The following PDE11A variants were observed in gnomAD, a reference collection of about 807,000 sequenced individuals.
PDE11A encodes the protein dual 3',5'-cyclic-AMP and -GMP phosphodiesterase 11A.
A neutral mutation model predicts 100.5 loss-of-function variants in PDE11A; 100 were observed. The observed-to-expected ratio is 1.00, with a 90% CI of 0.85 to 1.18. The LOEUF (loss-of-function observed/expected upper bound fraction) is 1.18. Among genes scored for constraint, PDE11A ranks in the 50% most tolerant of loss-of-function variants. The pLI, the probability that PDE11A is intolerant of heterozygous loss-of-function variation, is 0.00. For missense variants in PDE11A, 1,141 were observed against 1,152.6 expected (o/e 0.99, Z 0.15); for synonymous variants, 381 against 420.8 (o/e 0.91, Z 1.16).
At chr2:177,898,229 G>T (rs762407563) in intron 3 of PDE11A, 31 bp from the exon 4 acceptor site, 2 of 1,541,426 alleles carry the variant, frequency 1.3e-6, no homozygotes, top group Non-Finnish European at 1.8e-6. Context: ...GTATATAAGT[G>T]GATGTAAAAC....
intron 2 of PDE11A, among the ~76,000 whole-genome samples, chr2:177,942,668 C>G (rs2085358995): frequency 6.6e-6 from 1 of 152,084 alleles, no homozygotes; most frequent in South Asian, 2.1e-4. Flanking sequence ...TCTCAAAGTG[C>G]TGGGATTTAT....
At chr2:177,791,628 C>T (rs960919226) in intron 9 of PDE11A, among the ~76,000 whole-genome samples, 5 of 151,422 alleles carry the variant, frequency 3.3e-5, no homozygotes, top group Non-Finnish European at 7.4e-5. Context: ...TTGACTTTTG[C>T]TTACTTCCTG....
intron 2 of PDE11A, among the ~76,000 whole-genome samples, chr2:177,991,624 G>A (rs761626845): frequency 5.3e-5 from 8 of 151,004 alleles, no homozygotes; most frequent in Non-Finnish European, 1.0e-4. Context: ...AACAGAGTGA[G>A]ACTCCATTTC....
At chr2:177,920,009 G>A (rs1486672289) in intron 2 of PDE11A, among the ~76,000 whole-genome samples, 1 of 152,054 alleles carries the variant, frequency 6.6e-6, no homozygotes, top group East Asian at 1.9e-4. Flanking sequence ...AATAAATCGT[G>A]TTGGGACATA....
intron 5 of PDE11A, among the ~76,000 whole-genome samples, chr2:177,857,223 A>G (rs569193323): frequency 6.6e-6 from 1 of 152,142 alleles, no homozygotes; most frequent in South Asian, 2.1e-4. Flanking sequence ...AAAATGAAAA[A>G]TTAAGACATT....
chr2:178,053,464 T>C (rs1188130059), intron 1 of PDE11A, among the ~76,000 whole-genome samples: 2 of 152,196 alleles, frequency 1.3e-5, no homozygotes, highest in African/African-American at 4.8e-5. Flanking sequence ...AAGACAGGGA[T>C]GCCCTCTCTC....
intron 10 of PDE11A, among the ~76,000 whole-genome samples, chr2:177,759,058 CA>C (rs1208144191): frequency 3.3e-5 from 5 of 152,134 alleles, no homozygotes; most frequent in Non-Finnish European, 7.4e-5. Context: ...CCTGTTTTCT[CA>C]GGGATTTTCC....
intron 5 of PDE11A, among the ~76,000 whole-genome samples, chr2:177,850,140 C>G (rs1021567411): frequency 3.1e-4 from 47 of 152,144 alleles, no homozygotes; most frequent in Admixed American, 2.9e-3. Flanking sequence ...AACTTTACTA[C>G]AAGGGTACAG....
chr2:177,654,581 A>C (rs1457871204), intron 19 of PDE11A, among the ~76,000 whole-genome samples: 1 of 152,160 alleles, frequency 6.6e-6, no homozygotes, highest in Non-Finnish European at 1.5e-5. Flanking sequence ...ACATATTAAG[A>C]ACTTTATGTT....
intron 1 of PDE11A, among the ~76,000 whole-genome samples, chr2:178,065,792 C>T (rs2087035407): frequency 6.6e-6 from 1 of 152,146 alleles, no homozygotes; most frequent in South Asian, 2.1e-4. Context: ...TCTATCAGCA[C>T]TGGCTCATCA....
At chr2:177,884,082 G>A (rs952390324) in intron 4 of PDE11A, among the ~76,000 whole-genome samples, 1 of 152,192 alleles carries the variant, frequency 6.6e-6, no homozygotes, top group African/African-American at 2.4e-5. Flanking sequence ...AGGGCACTGA[G>A]GTAAAGACAG....
At chr2:177,852,261 G>A (rs1256442138) in intron 5 of PDE11A, among the ~76,000 whole-genome samples, 1 of 152,178 alleles carries the variant, frequency 6.6e-6, no homozygotes, top group African/African-American at 2.4e-5. Flanking sequence ...ACCAAGGAAT[G>A]ATTGTCAGTT....
chr2:177,865,510 C>T (rs764305572), intron 5 of PDE11A, among the ~76,000 whole-genome samples: 2 of 152,114 alleles, frequency 1.3e-5, no homozygotes, highest in East Asian at 1.9e-4. Flanking sequence ...ACTTCTAGGC[C>T]TATACCCAAA....
At chr2:177,952,284 A>G (rs1382478030) in intron 2 of PDE11A, among the ~76,000 whole-genome samples, 1 of 152,180 alleles carries the variant, frequency 6.6e-6, no homozygotes, top group East Asian at 1.9e-4. Context: ...GCTTGATAGC[A>G]TCCATTCCAC....
At position 177,755,674 on chromosome 2, in the gene PDE11A, G is replaced by C. The variant is rs140484464; in HGVS notation, c.1788+13649C>G. Among the ~76,000 whole-genome samples the C allele has an allele frequency of 2.2e-3, 328 of 152,278 alleles. 1 individual carries two copies. The highest frequency in any genetic ancestry group is 7.5e-3 in the African/African-American group (313 of 41,558). ...GACAGGGGAACCAAGTGGGCCAAGC[G>C]GACCAATCAGAAAATGTCCCTGATA... On this transcript the variant is annotated intron_variant, in intron 10 of 19. Coordinates refer to ENST00000286063, the MANE Select transcript of PDE11A (RefSeq NM_016953.4).
chr2:177,948,607 A>T (rs1173297165), intron 2 of PDE11A, among the ~76,000 whole-genome samples: 1 of 152,240 alleles, frequency 6.6e-6, no homozygotes, highest in Admixed American at 6.5e-5. Flanking sequence ...TAAATTGTTT[A>T]AAAAATTAAT....
intron 5 of PDE11A, among the ~76,000 whole-genome samples, chr2:177,845,955 G>A (rs2083592355): frequency 6.6e-6 from 1 of 151,888 alleles, no homozygotes; most frequent in Admixed American, 6.6e-5. Context: ...GTTGCAGTGA[G>A]CTGAGATGGC....
At chr2:177,838,729 A>T (rs2105620159) in intron 6 of PDE11A, among the ~76,000 whole-genome samples, 2 of 152,322 alleles carry the variant, frequency 1.3e-5, no homozygotes, top group South Asian at 4.1e-4. Context: ...ATCAGTCCTA[A>T]CTCAACCACA....
chr2:177,867,187 A>G (rs1174540201), intron 5 of PDE11A, among the ~76,000 whole-genome samples: 2 of 152,246 alleles, frequency 1.3e-5, no homozygotes, highest in East Asian at 1.9e-4. Flanking sequence ...AGGGACACAC[A>G]ATAAAGTTGG....
Sources: gnomAD v4.1 joint callset for allele counts (sites outside exome capture counted in the v4.1 genomes callset) on GRCh38, gnomAD v4.1.1 for gene constraint, MANE v1.5 for transcripts, NCBI Gene and HGNC (gene_info 2026-07-23, HGNC 2026-07-21) for gene names.